The following STK38 variants were observed in gnomAD, a reference collection of about 807,000 sequenced individuals.
STK38 encodes the protein serine/threonine kinase 38, also known as serine/threonine-protein kinase 38.
A neutral mutation model predicts 59.0 loss-of-function variants in STK38; 26 were observed. The ratio of observed to expected loss-of-function variants is 0.44; its 90% CI spans 0.32 to 0.61. The LOEUF is 0.61. Among genes scored for constraint, STK38 ranks in the 20% least tolerant of loss-of-function variants. The pLI, the probability that STK38 is intolerant of heterozygous loss-of-function variation, is 0.04. For missense variants in STK38, 433 were observed against 566.0 expected, an observed-to-expected ratio of 0.76 and a Z score of 2.38; for synonymous variants, 175 against 176.6, an observed-to-expected ratio of 0.99 and a Z score of 0.07.
At chr6:36,539,058 C>G (rs1040676394) in intron 2 of STK38, among the ~76,000 whole-genome samples, 1 of 151,762 alleles carries the variant, frequency 6.6e-6, no homozygotes, top group Non-Finnish European at 1.5e-5. Flanking sequence ...CTTCTGAATA[C>G]TTTCATAGTA....
chr6:36,498,333 G>A (rs1274122026), intron 11 of STK38, 30 bp downstream of exon 11: 2 of 1,581,612 alleles, frequency 1.3e-6, no homozygotes, highest in Non-Finnish European at 1.7e-6. Context: ...AAAAAGCTGA[G>A]AAAGAAGGTG....
intron 7 of STK38, 68 bp downstream of exon 7, chr6:36,515,270 C>A: frequency 6.4e-7 from 1 of 1,550,998 alleles, no homozygotes; most frequent in Non-Finnish European, 8.7e-7. Flanking sequence ...CACAGGGGTG[C>A]AGGTGTTAAA....
At chr6:36,514,028 G>A (rs571676993) in intron 7 of STK38, among the ~76,000 whole-genome samples, 53 of 151,574 alleles carry the variant, frequency 3.5e-4, no homozygotes, top group Admixed American at 1.4e-3. Context: ...GGTGGCGGGC[G>A]CCTGTAGTCC....
intron 2 of STK38, among the ~76,000 whole-genome samples, chr6:36,529,750 T>A (rs1323496013): frequency 1.3e-5 from 2 of 152,198 alleles, no homozygotes; most frequent in East Asian, 3.9e-4. Flanking sequence ...TTTTAAAAAG[T>A]CAGAATGTAT....
chr6:36,544,277 G>C (rs1328454508), intron 1 of STK38, among the ~76,000 whole-genome samples: 1 of 151,342 alleles, frequency 6.6e-6, no homozygotes, highest in Non-Finnish European at 1.5e-5. Flanking sequence ...GGGAAGTTTC[G>C]ACTAATACCA....
At chr6:36,527,151 C>T (rs1270066125) in intron 2 of STK38, among the ~76,000 whole-genome samples, 1 of 138,490 alleles carries the variant, frequency 7.2e-6, no homozygotes, top group Non-Finnish European at 1.5e-5. Context: ...AAGATCACGC[C>T]ACTGCATGCC....
chr6:36,535,615 T>C (rs1311701649), intron 2 of STK38, among the ~76,000 whole-genome samples: 1 of 152,026 alleles, frequency 6.6e-6, no homozygotes, highest in African/African-American at 2.4e-5. Flanking sequence ...CAGTGGCTCA[T>C]ACCTATAATC....
chr6:36,524,245 T>C (rs1017801227), intron 4 of STK38, 96 bp downstream of exon 4: 12 of 1,436,784 alleles, frequency 8.4e-6, no homozygotes, highest in South Asian at 1.5e-5. Flanking sequence ...TTTAATTCCA[T>C]ATATTTGTTA....
chr6:36,505,270 C>T lies in STK38; in HGVS notation c.834+1313G>A, dbSNP rs675821. On this transcript the variant is annotated intron_variant, in intron 9 of 13. Coordinates refer to ENST00000229812, the MANE Select transcript of STK38 (RefSeq NM_007271.4). Reference sequence around the variant, plus strand: ...ATAGAAGCATCTGACCAAATTTGTTCCTGACACTCCCTAATCCTCAACAAG... The same window carrying T: ...ATAGAAGCATCTGACCAAATTTGTTTCTGACACTCCCTAATCCTCAACAAG... Among the ~76,000 whole-genome samples the T allele has an allele frequency of 8.0e-3, 1,212 of 152,276 alleles. 20 individuals carry two copies. The highest frequency in any genetic ancestry group is 0.028 in the African/African-American group (1,164 of 41,554).
At chr6:36,507,954 G>A (rs898038096) in intron 7 of STK38, among the ~76,000 whole-genome samples, 1 of 70,776 alleles carries the variant, frequency 1.4e-5, no homozygotes, top group Non-Finnish European at 2.5e-5. Flanking sequence ...TTTTTTTTGA[G>A]ACATGGTCTT....
intron 4 of STK38, among the ~76,000 whole-genome samples, chr6:36,522,748 C>A (rs904273873): frequency 6.8e-6 from 1 of 146,890 alleles, no homozygotes; most frequent in African/African-American, 2.5e-5. Flanking sequence ...CCCAGTTATT[C>A]GGGAGGCTAA....
At chr6:36,510,617 C>T (rs373798424) in intron 7 of STK38, among the ~76,000 whole-genome samples, 12 of 152,318 alleles carry the variant, frequency 7.9e-5, no homozygotes, top group South Asian at 2.1e-4. Context: ...GACAGGCCAC[C>T]GCTGCCATTA....
intron 2 of STK38, among the ~76,000 whole-genome samples, chr6:36,536,555 C>T (rs182091585): frequency 3.7e-4 from 56 of 152,068 alleles, no homozygotes; most frequent in African/African-American, 1.3e-3. Context: ...TTTTTTGAGA[C>T]TGAGTTTCGC....
chr6:36,512,097 TA>T (rs2127473692), intron 7 of STK38, among the ~76,000 whole-genome samples: 1 of 152,114 alleles, frequency 6.6e-6, no homozygotes, highest in South Asian at 2.1e-4. Context: ...AGAAAGAAAG[TA>T]AAACTTTTTA....
At chr6:36,515,203 T>C in intron 7 of STK38, 135 bp downstream of exon 7, 1 of 1,034,506 alleles carries the variant, frequency 9.7e-7, no homozygotes, top group South Asian at 2.1e-5. Context: ...ACTTACCTGT[T>C]TAAAAAAAAA....
intron 2 of STK38, among the ~76,000 whole-genome samples, chr6:36,527,924 C>T (rs1047918904): frequency 1.3e-5 from 2 of 149,430 alleles, no homozygotes; most frequent in Non-Finnish European, 3.0e-5. Context: ...ACAGAGAAAC[C>T]CCATCTCTAC....
intron 10 of STK38, among the ~76,000 whole-genome samples, chr6:36,499,416 G>C (rs1227217610): frequency 2.0e-5 from 3 of 152,054 alleles, no homozygotes; most frequent in Non-Finnish European, 1.5e-5. Context: ...GTGCTCACTG[G>C]CATATGACCA....
chr6:36,527,202 AAAAAAATATATGTAT>A (rs1160390855), intron 2 of STK38, among the ~76,000 whole-genome samples: 2 of 133,830 alleles, frequency 1.5e-5, no homozygotes, highest in African/African-American at 5.8e-5. Context: ...AAAAAAAAAA[AAAAAAATATATGTAT>A]ATATATATAT....
chr6:36,533,461 TTTTG>T (rs1408371387), intron 2 of STK38, among the ~76,000 whole-genome samples: 1 of 152,222 alleles, frequency 6.6e-6, no homozygotes, highest in African/African-American at 2.4e-5. Context: ...ATTTTTAAAA[TTTTG>T]TTTATTTTTA....
Sources: allele counts gnomAD v4.1 joint callset (sites outside exome capture counted in the v4.1 genomes callset), GRCh38; gene constraint gnomAD v4.1.1; transcripts MANE v1.5; gene names NCBI Gene and HGNC (gene_info 2026-07-23, HGNC 2026-07-21).